Variants in SCAPER observed in about 807,000 individuals in gnomAD.
The protein encoded by SCAPER is S phase cyclin A-associated protein in the endoplasmic reticulum.
Under a neutral mutation model 182.2 loss-of-function variants are expected in SCAPER, and 98 were observed. The observed-to-expected ratio is 0.54, with a 90% confidence interval of 0.46 to 0.64. The LOEUF (loss-of-function observed/expected upper bound fraction) is 0.64. SCAPER is among the 30% of genes least tolerant of loss of function. The probability of loss-of-function intolerance (pLI) is 0.00; values close to 1 mark genes in which losing one functional copy is unlikely to be tolerated. For synonymous variants in SCAPER, 605 were observed against 564.6 expected (o/e 1.07, Z -1.01); for missense variants, 1,432 against 1,690.0 (o/e 0.85, Z 2.68).
chr15:76,354,012 G>A lies in SCAPER; in HGVS notation c.3984C>T (p.Asn1328=), dbSNP rs755168803. The change falls in exon 30 of 32, where the codon AAC becomes AAT. Residue 1328 remains asparagine, a synonymous_variant. Transcript: ENST00000563290. This position sits in a 1 kb window ranked among gnomAD's most constrained non-coding sequence, Gnocchi z 4.4. ...GCTCCAGAATGATCTTGTTCTGATG[G>A]TTGTTGTAACAAGCAGCGATAAGTG... is the stretch of plus-strand genomic sequence containing the variant. ...FPSLIAACYN[N]HQNKIILEQE... The A allele has an allele frequency of 3.7e-6, 6 of 1,606,186 alleles. No individual in the cohort carries two copies. The South Asian group carries it at 5.6e-5, about 15-fold the overall frequency.
At chr15:76,621,097 T>G (rs1371280210) in intron 22 of SCAPER, among the ~76,000 whole-genome samples, 3 of 152,230 alleles carry the variant, frequency 2.0e-5, no homozygotes, top group Admixed American at 6.5e-5. Flanking sequence ...TAGGTCTGAA[T>G]AGGACTTCCT....
chr15:76,740,689 G>A (rs2061495045), intron 15 of SCAPER, among the ~76,000 whole-genome samples: 1 of 152,088 alleles, frequency 6.6e-6, no homozygotes, highest in African/African-American at 2.4e-5. Flanking sequence ...GCATATATGA[G>A]CTTTTCCTAG....
At chr15:76,637,880 TAA>T in intron 21 of SCAPER, among the ~76,000 whole-genome samples, 1 of 151,446 alleles carries the variant, frequency 6.6e-6, no homozygotes, top group Admixed American at 6.6e-5. Flanking sequence ...CCCTGATGAC[TAA>T]TTAGACTGAG....
At chr15:76,430,629 G>A (rs2046798788) in intron 26 of SCAPER, among the ~76,000 whole-genome samples, 1 of 152,198 alleles carries the variant, frequency 6.6e-6, no homozygotes, top group South Asian at 2.1e-4. Flanking sequence ...TATTTGGAAT[G>A]GGTATATTTG....
intron 1 of SCAPER, among the ~76,000 whole-genome samples, chr15:76,890,387 T>A (rs1213503133): frequency 6.6e-6 from 1 of 152,136 alleles, no homozygotes; most frequent in Non-Finnish European, 1.5e-5. Flanking sequence ...GAGCTGTTTT[T>A]TTGAAAAGAT....
rs8035732 is a variant in SCAPER, at chr15:76,767,648, A to G, written c.1249-560T>C. ...CTAAATCAAACACTGAAATAACAAA[A>G]CAAACATGTGGTTAATAAGCCATCA... On this transcript the variant is annotated intron_variant, in intron 10 of 31. Transcript: ENST00000563290. Among the ~76,000 whole-genome samples the G allele has an allele frequency of 8.3e-4, 126 of 152,266 alleles. 1 individual carries two copies. Among genetic ancestry groups the G allele is most frequent in the African/African-American group, 2.8e-3 (118 of 41,566 alleles).
chr15:76,756,298 C>T (rs959626433), intron 14 of SCAPER, among the ~76,000 whole-genome samples: 4 of 149,134 alleles, frequency 2.7e-5, no homozygotes, highest in Non-Finnish European at 5.9e-5. Flanking sequence ...GAATGATGGC[C>T]AGGTATGATG....
chr15:76,836,805 C>G (rs548938655), intron 5 of SCAPER, among the ~76,000 whole-genome samples: 2 of 149,842 alleles, frequency 1.3e-5, no homozygotes, highest in African/African-American at 4.9e-5. Context: ...ACCCAGGAGG[C>G]ACAGCTTGTA....
intron 29 of SCAPER, among the ~76,000 whole-genome samples, chr15:76,357,149 A>AACACACACACACAC (rs1206860311): frequency 2.3e-4 from 5 of 22,190 alleles, no homozygotes; most frequent in East Asian, 3.7e-3. Flanking sequence ...TTTTATTGAC[A>AACACACACACACAC]TCACACACAC....
chr15:76,528,948 T>C (rs2043410718), intron 23 of SCAPER, among the ~76,000 whole-genome samples: 1 of 152,254 alleles, frequency 6.6e-6, no homozygotes, highest in Non-Finnish European at 1.5e-5. Context: ...TGAAACACTG[T>C]TAAAAACGTC....
At chr15:76,546,447 C>T (rs1006105596) in intron 23 of SCAPER, among the ~76,000 whole-genome samples, 1 of 152,100 alleles carries the variant, frequency 6.6e-6, no homozygotes, top group African/African-American at 2.4e-5. Context: ...ACCTTGGCCT[C>T]CCAAAGTGCT....
intron 26 of SCAPER, among the ~76,000 whole-genome samples, chr15:76,421,183 G>C (rs2046010511): frequency 6.6e-6 from 1 of 152,156 alleles, no homozygotes; most frequent in South Asian, 2.1e-4. Flanking sequence ...CTAGATCCTT[G>C]AGGAATTGCC....
At chr15:76,730,396 A>AT (rs1354281376) in intron 16 of SCAPER, among the ~76,000 whole-genome samples, 3 of 152,128 alleles carry the variant, frequency 2.0e-5, no homozygotes, top group Non-Finnish European at 4.4e-5. Flanking sequence ...TGTTGGAGTC[A>AT]TGCAATTAGA....
At chr15:76,795,494 G>A (rs1489257982) in intron 7 of SCAPER, 54 bp from the exon 8 acceptor site, 14 of 1,303,962 alleles carry the variant, frequency 1.1e-5, no homozygotes, top group Non-Finnish European at 1.4e-5. Flanking sequence ...AAAAACTTCT[G>A]AATATATGCT....
chr15:76,829,316 G>C (rs111947674), intron 5 of SCAPER, among the ~76,000 whole-genome samples: 25 of 152,102 alleles, frequency 1.6e-4, no homozygotes, highest in African/African-American at 6.0e-4. Flanking sequence ...AAGGTGGGAG[G>C]GGACACAAGA....
At chr15:76,551,612 C>T (rs1003309864) in intron 23 of SCAPER, among the ~76,000 whole-genome samples, 2 of 151,974 alleles carry the variant, frequency 1.3e-5, no homozygotes, top group Non-Finnish European at 2.9e-5. Context: ...CAGTTAGATA[C>T]GAGGAATAAG....
chr15:76,550,615 TC>T (rs2045682351), intron 23 of SCAPER, among the ~76,000 whole-genome samples: 1 of 152,096 alleles, frequency 6.6e-6, no homozygotes. Flanking sequence ...TTGGGTTGAT[TC>T]CGTATCTTTT....
chr15:76,607,598 A>C (rs981447347), intron 22 of SCAPER, among the ~76,000 whole-genome samples: 8 of 152,336 alleles, frequency 5.3e-5, no homozygotes, highest in African/African-American at 1.9e-4. Flanking sequence ...CCTGGATAAT[A>C]TCCTGCAGAG....
intron 26 of SCAPER, among the ~76,000 whole-genome samples, chr15:76,418,648 A>G (rs1454610890): frequency 1.3e-5 from 2 of 152,208 alleles, no homozygotes; most frequent in South Asian, 2.1e-4. Flanking sequence ...TTGCATCACT[A>G]TAACTGTAGC....
Sources: allele counts gnomAD v4.1 joint callset (sites outside exome capture counted in the v4.1 genomes callset), GRCh38; gene constraint gnomAD v4.1.1; non-coding constraint Gnocchi (gnomAD v3.1); transcripts MANE v1.5; gene names NCBI Gene and HGNC (gene_info 2026-07-23, HGNC 2026-07-21).